Variants in SLC35F3 observed in about 807,000 individuals in gnomAD.
SLC35F3 encodes the protein putative thiamine transporter SLC35F3.
Under a neutral mutation model 49.9 loss-of-function variants are expected in SLC35F3, and 25 were observed. The observed-to-expected ratio is 0.50, with a 90% CI of 0.37 to 0.70. SLC35F3 has a LOEUF of 0.70. Ranked by LOEUF, SLC35F3 falls within the 30% of genes least tolerant of loss-of-function variation. The pLI, the probability that SLC35F3 is intolerant of heterozygous loss-of-function variation, is 0.00. For missense variants in SLC35F3, 525 were observed against 639.8 expected (o/e 0.82, Z 1.94); for synonymous variants, 275 against 265.4 (o/e 1.04, Z -0.35).
chr1:234,073,053 C>T (rs1664741306), intron 2 of SLC35F3, among the ~76,000 whole-genome samples: 1 of 152,168 alleles, frequency 6.6e-6, no homozygotes, highest in South Asian at 2.1e-4. Flanking sequence ...ACAAAGTGAT[C>T]CCATTGACTC....
intron 2 of SLC35F3, among the ~76,000 whole-genome samples, chr1:233,999,870 C>T (rs143819974): frequency 1.2e-3 from 177 of 152,246 alleles, no homozygotes; most frequent in African/African-American, 4.1e-3. Context: ...ATACCAAACA[C>T]AGAAGATGAT....
At chr1:233,980,952 A>G (rs4279910) in intron 2 of SLC35F3, among the ~76,000 whole-genome samples, 49,962 of 152,118 alleles carry the variant, frequency 0.33, 8,614 homozygotes, top group East Asian at 0.54. Context: ...AAGTGAAGAA[A>G]CTAAAGCATA....
intron 2 of SLC35F3, among the ~76,000 whole-genome samples, chr1:233,932,673 G>T (rs1019183143): frequency 6.6e-6 from 1 of 152,184 alleles, no homozygotes; most frequent in Admixed American, 6.5e-5. Flanking sequence ...TAGGGAAAGG[G>T]AGCCACTCCA....
chr1:233,959,721 C>T (rs1361091130), intron 2 of SLC35F3, among the ~76,000 whole-genome samples: 3 of 152,114 alleles, frequency 2.0e-5, no homozygotes, highest in African/African-American at 4.8e-5. Flanking sequence ...TCAGCTGGAC[C>T]CAAGAAGGTT....
At chr1:234,209,331 G>C (rs1667018048) in intron 2 of SLC35F3, among the ~76,000 whole-genome samples, 1 of 151,784 alleles carries the variant, frequency 6.6e-6, no homozygotes, top group South Asian at 2.1e-4. Context: ...TCCTAGAATA[G>C]GTTATTATGG....
At chr1:234,144,538 T>A (rs529166601) in intron 2 of SLC35F3, among the ~76,000 whole-genome samples, 4 of 152,364 alleles carry the variant, frequency 2.6e-5, no homozygotes, top group Admixed American at 2.0e-4. Context: ...TAGGTGAGTA[T>A]TTATGGTCTA....
At chr1:233,917,439 A>AT (rs145001578) in intron 2 of SLC35F3, among the ~76,000 whole-genome samples, 15,939 of 150,160 alleles carry the variant, frequency 0.11, 1,021 homozygotes, top group Non-Finnish European at 0.15. Context: ...GTCATTAAAC[A>AT]TTTTTTTTTT....
chr1:234,292,170 T>C (rs573212297), intron 3 of SLC35F3, among the ~76,000 whole-genome samples: 1 of 152,358 alleles, frequency 6.6e-6, no homozygotes, highest in East Asian at 1.9e-4. Flanking sequence ...TGCCAAGTTC[T>C]GGCAGCCCAG....
intron 2 of SLC35F3, among the ~76,000 whole-genome samples, chr1:234,031,651 C>T (rs1202057914): frequency 6.6e-6 from 1 of 152,178 alleles, no homozygotes; most frequent in Non-Finnish European, 1.5e-5. Context: ...CTCAACCCAT[C>T]CCCCTGCCTT....
intron 2 of SLC35F3, among the ~76,000 whole-genome samples, chr1:233,967,977 C>G (rs1194016228): frequency 6.6e-6 from 1 of 152,148 alleles, no homozygotes; most frequent in Admixed American, 6.5e-5. Flanking sequence ...TGCCATAAAC[C>G]AAGTACCACA....
chr1:234,000,111 A>G (rs1024281634), intron 2 of SLC35F3, among the ~76,000 whole-genome samples: 1 of 152,214 alleles, frequency 6.6e-6, no homozygotes, highest in Non-Finnish European at 1.5e-5. Flanking sequence ...AAGATTTTTA[A>G]AGTGAGTATG....
At chr1:234,308,753 C>T (rs776259207) in intron 3 of SLC35F3, among the ~76,000 whole-genome samples, 19 of 151,590 alleles carry the variant, frequency 1.3e-4, no homozygotes, top group South Asian at 2.1e-4. Flanking sequence ...TTAGTGACCC[C>T]CTTCTCTTAC....
intron 2 of SLC35F3, among the ~76,000 whole-genome samples, chr1:234,000,118 T>G (rs2102832027): frequency 6.6e-6 from 1 of 152,194 alleles, no homozygotes; most frequent in South Asian, 2.1e-4. Flanking sequence ...TTAAAGTGAG[T>G]ATGAATACTC....
At chr1:234,177,418 A>G (rs551985061) in intron 2 of SLC35F3, among the ~76,000 whole-genome samples, 2 of 152,342 alleles carry the variant, frequency 1.3e-5, no homozygotes, top group South Asian at 4.1e-4. Context: ...CACCTGGATG[A>G]GAGAAGTACA....
At chr1:234,217,496 A>C (rs929610553) in intron 2 of SLC35F3, among the ~76,000 whole-genome samples, 1 of 152,254 alleles carries the variant, frequency 6.6e-6, no homozygotes, top group African/African-American at 2.4e-5. Context: ...GCAAGGTGTC[A>C]CGGGGACACT....
intron 2 of SLC35F3, among the ~76,000 whole-genome samples, chr1:234,017,323 C>T (rs889594781): frequency 1.3e-5 from 2 of 152,104 alleles, no homozygotes; most frequent in Non-Finnish European, 1.5e-5. Flanking sequence ...TGAAGCATTG[C>T]TCCTGGGAAA....
At chr1:234,225,350 C>CA (rs1553316631) in intron 2 of SLC35F3, among the ~76,000 whole-genome samples, 1 of 66,132 alleles carries the variant, frequency 1.5e-5, no homozygotes, top group South Asian at 4.2e-4. Context: ...CCTCATTTTG[C>CA]AAAACTTTTT....
intron 3 of SLC35F3, among the ~76,000 whole-genome samples, chr1:234,233,857 T>TTGTTATTTGTTTGTTTTTTTC (rs1239840660): frequency 4.6e-5 from 7 of 152,204 alleles, no homozygotes. Context: ...TTGTTTTGTT[T>TTGTTATTTGTTTGTTTTTTTC]TGTTTTTTGT....
intron 2 of SLC35F3, among the ~76,000 whole-genome samples, chr1:234,199,106 T>C (rs1258829663): frequency 1.3e-5 from 2 of 151,466 alleles, no homozygotes; most frequent in Non-Finnish European, 2.9e-5. Flanking sequence ...TGCATGCCTA[T>C]AGTCCCAGCT....
Sources: gnomAD v4.1 joint callset for allele counts (sites outside exome capture counted in the v4.1 genomes callset) on GRCh38, gnomAD v4.1.1 for gene constraint, MANE v1.5 for transcripts, NCBI Gene and HGNC (gene_info 2026-07-23, HGNC 2026-07-21) for gene names.